NEGR1: variants seen among roughly 807,000 people sequenced by gnomAD.
NEGR1 encodes neuronal growth regulator 1.
A neutral mutation model predicts 40.9 loss-of-function variants in NEGR1; 10 were observed. That is an observed-to-expected ratio of 0.24 (90% CI 0.15 to 0.42). The LOEUF (loss-of-function observed/expected upper bound fraction) is 0.42. NEGR1 is among the 10% of genes least tolerant of loss of function. The pLI, the probability that NEGR1 is intolerant of heterozygous loss-of-function variation, is 1.00. For synonymous variants in NEGR1, 185 were observed against 166.8 expected (o/e 1.11, Z -0.84); for missense variants, 352 against 438.9 (o/e 0.80, Z 1.77).
chr1:71,749,946 C>A (rs946869380), intron 3 of NEGR1, among the ~76,000 whole-genome samples: 3 of 151,790 alleles, frequency 2.0e-5, no homozygotes, highest in Non-Finnish European at 4.4e-5. Flanking sequence ...CCTCACAAAG[C>A]TACAAAAATC....
intron 6 of NEGR1, among the ~76,000 whole-genome samples, chr1:71,462,999 A>G (rs74396837): frequency 0.014 from 2,078 of 152,216 alleles, 40 homozygotes; most frequent in African/African-American, 0.048. Context: ...TTGTTCTTTT[A>G]CTGGATCATG....
intron 6 of NEGR1, among the ~76,000 whole-genome samples, chr1:71,414,760 G>A (rs779985826): frequency 1.3e-5 from 2 of 152,106 alleles, no homozygotes; most frequent in Admixed American, 6.5e-5. Flanking sequence ...AAGAATGCCC[G>A]AGTAGCATAC....
At chr1:72,184,354 C>T (rs896890428) in intron 1 of NEGR1, among the ~76,000 whole-genome samples, 2 of 152,042 alleles carry the variant, frequency 1.3e-5, no homozygotes, top group East Asian at 1.9e-4. Flanking sequence ...AAAGACATTT[C>T]GCAAAGGAGG....
intron 4 of NEGR1, among the ~76,000 whole-genome samples, chr1:71,629,912 T>C (rs1458073327): frequency 6.6e-6 from 1 of 152,024 alleles, no homozygotes; most frequent in Non-Finnish European, 1.5e-5. Context: ...ATTTGTATTA[T>C]ATGACCAAAT....
At chr1:71,735,340 A>G (rs1438302551) in intron 3 of NEGR1, among the ~76,000 whole-genome samples, 1 of 152,082 alleles carries the variant, frequency 6.6e-6, no homozygotes, top group Non-Finnish European at 1.5e-5. Context: ...CTCGATAGTG[A>G]TTTTTAACCC....
intron 6 of NEGR1, among the ~76,000 whole-genome samples, chr1:71,498,902 T>G (rs1289847794): frequency 6.6e-6 from 1 of 152,154 alleles, no homozygotes; most frequent in African/African-American, 2.4e-5. Context: ...CCAGGTCTCT[T>G]GGCTTCCATC....
chr1:71,573,712 T>C (rs1470119625), intron 6 of NEGR1, among the ~76,000 whole-genome samples: 5 of 152,214 alleles, frequency 3.3e-5, no homozygotes, highest in African/African-American at 9.6e-5. Flanking sequence ...TTGTAGTCTC[T>C]TATATTTTTT....
intron 2 of NEGR1, among the ~76,000 whole-genome samples, chr1:71,822,777 C>G (rs1457700494): frequency 6.6e-6 from 1 of 151,972 alleles, no homozygotes; most frequent in African/African-American, 2.4e-5. Flanking sequence ...GTTTGGGCCA[C>G]TAGCATGGAA....
chr1:71,830,790 T>C (rs1332455730), intron 2 of NEGR1, among the ~76,000 whole-genome samples: 1 of 151,974 alleles, frequency 6.6e-6, no homozygotes, highest in African/African-American at 2.4e-5. Flanking sequence ...GTTGTTATAA[T>C]TCAATCATTC....
intron 6 of NEGR1, among the ~76,000 whole-genome samples, chr1:71,501,967 C>T (rs768268096): frequency 3.3e-5 from 5 of 152,026 alleles, no homozygotes; most frequent in Non-Finnish European, 7.4e-5. Context: ...AGGCAAAATA[C>T]GTTGAAATAA....
In NEGR1 at chr1:72,272,796, AAAG is replaced by A. The variant is rs373658791; in HGVS notation, c.176+9520_176+9522del. On this transcript the variant is annotated intron_variant, in intron 1 of 6. Coordinates refer to ENST00000357731, the MANE Select transcript of NEGR1 (RefSeq NM_173808.3). ...TCCAAATGACTTAGAAAAATTCAGT[AAAG>A]AACAACTTTGTTCTGGACTGAAAAG... Among the ~76,000 whole-genome samples, 19 of 152,146 alleles carry A rather than the reference AAAG, an allele frequency of 1.2e-4. No homozygotes were observed. In the East Asian group the frequency reaches 3.7e-3, roughly 29 times the overall value.
At chr1:71,454,166 T>G (rs1281173813) in intron 6 of NEGR1, among the ~76,000 whole-genome samples, 1 of 152,212 alleles carries the variant, frequency 6.6e-6, no homozygotes, top group Non-Finnish European at 1.5e-5. Flanking sequence ...TCTCTGTTCA[T>G]TGGCATCAAG....
chr1:71,942,091 G>GA (rs150506802), intron 1 of NEGR1, among the ~76,000 whole-genome samples: 5,604 of 143,282 alleles, frequency 0.039, 343 homozygotes, highest in African/African-American at 0.13. Context: ...TAGCAAAAAA[G>GA]AAAAAAAAAA....
chr1:71,442,713 A>T (rs753231052), intron 6 of NEGR1, among the ~76,000 whole-genome samples: 2 of 152,208 alleles, frequency 1.3e-5, no homozygotes, highest in Admixed American at 6.5e-5. Flanking sequence ...AGTGCAGGGA[A>T]ACAAGAATTG....
At chr1:72,078,817 T>C (rs1647863320) in intron 1 of NEGR1, among the ~76,000 whole-genome samples, 1 of 150,556 alleles carries the variant, frequency 6.6e-6, no homozygotes, top group African/African-American at 2.4e-5. Context: ...TTTTTTGTAT[T>C]CTTAGTAGAG....
chr1:71,873,118 C>CAAA (rs34592789), intron 2 of NEGR1, among the ~76,000 whole-genome samples: 1,567 of 81,686 alleles, frequency 0.019, 59 homozygotes, highest in South Asian at 0.086. Flanking sequence ...AAAGATGTAG[C>CAAA]AAAAAAAAAA....
intron 6 of NEGR1, among the ~76,000 whole-genome samples, chr1:71,446,025 C>T (rs1646579834): frequency 6.6e-6 from 1 of 152,116 alleles, no homozygotes; most frequent in Admixed American, 6.5e-5. Context: ...CAAAAGGACA[C>T]AAATGAAAAC....
chr1:72,106,318 G>A (rs114791913), intron 1 of NEGR1, among the ~76,000 whole-genome samples: 1,737 of 152,150 alleles, frequency 0.011, 32 homozygotes, highest in African/African-American at 0.04. Context: ...GGGAAAAGCT[G>A]AGATGTTAGA....
intron 1 of NEGR1, among the ~76,000 whole-genome samples, chr1:71,950,106 T>C (rs1177271400): frequency 6.6e-6 from 1 of 152,078 alleles, no homozygotes; most frequent in African/African-American, 2.4e-5. Flanking sequence ...TCTTATGAAT[T>C]CAAAGATGGG....
Sources: allele counts gnomAD v4.1 joint callset (sites outside exome capture counted in the v4.1 genomes callset), GRCh38; gene constraint gnomAD v4.1.1; transcripts MANE v1.5; gene names NCBI Gene and HGNC (gene_info 2026-07-23, HGNC 2026-07-21).